ZMAT4: variants seen among roughly 807,000 people sequenced by gnomAD.
ZMAT4 encodes zinc finger matrin-type protein 4.
A neutral mutation model predicts 28.7 loss-of-function variants in ZMAT4; 17 were observed. That is an observed-to-expected ratio of 0.59 (90% CI 0.41 to 0.89). The LOEUF (loss-of-function observed/expected upper bound fraction) is 0.89. Among genes scored for constraint, ZMAT4 ranks in the 40% least tolerant of loss-of-function variants. The probability of loss-of-function intolerance (pLI) is 0.00; values close to 1 mark genes in which losing one functional copy is unlikely to be tolerated. For missense variants in ZMAT4, 240 were observed against 283.8 expected (o/e 0.85, Z 1.11); for synonymous variants, 117 against 109.2 (o/e 1.07, Z -0.44).
intron 1 of ZMAT4, among the ~76,000 whole-genome samples, chr8:40,893,580 T>C (rs1818768164): frequency 6.6e-6 from 1 of 152,224 alleles, no homozygotes; most frequent in Non-Finnish European, 1.5e-5. Flanking sequence ...TTTCCCACTC[T>C]GCTCCCCATC....
chr8:40,654,834 C>T (rs928819280), intron 5 of ZMAT4, among the ~76,000 whole-genome samples: 2 of 152,046 alleles, frequency 1.3e-5, no homozygotes, highest in African/African-American at 2.4e-5. Context: ...AAATCCACAG[C>T]TGACATCATA....
chr8:40,599,436 C>T (rs1805220439), intron 5 of ZMAT4, among the ~76,000 whole-genome samples: 1 of 152,002 alleles, frequency 6.6e-6, no homozygotes, highest in African/African-American at 2.4e-5. Flanking sequence ...AACGTTTTTC[C>T]ATACTGACTT....
At chr8:40,601,705 AAAAGAAAG>A (rs149230517) in intron 5 of ZMAT4, among the ~76,000 whole-genome samples, 43 of 33,046 alleles carry the variant, frequency 1.3e-3, no homozygotes, top group African/African-American at 3.1e-3. Context: ...AGAAAGAAAG[AAAAGAAAG>A]AAAGAAAGAA....
rs1401663073 is a variant in ZMAT4 at position 40,581,089 on chromosome 8, G to T, written c.674+76C>A. On this transcript the variant is annotated intron_variant, in intron 6 of 6. Transcript: ENST00000297737. ...CCACTCTACTTATTTAGAAATAGAT[G>T]AAATGTTGAGCCTTTAGTCATCTTA... 12 of 1,188,092 alleles carry T rather than the reference G, an allele frequency of 1.0e-5. No individual in the cohort carries two copies. The South Asian group carries it at 1.3e-4, about 13-fold the overall frequency. 73.6% of individuals were successfully genotyped at this position (1,188,092 alleles called of 1,614,324 possible).
chr8:40,641,976 C>T (rs185340376), intron 5 of ZMAT4, among the ~76,000 whole-genome samples: 6 of 152,022 alleles, frequency 3.9e-5, no homozygotes, highest in African/African-American at 1.2e-4. Context: ...CTCATTTCCT[C>T]TCTCTAAAAT....
chr8:40,806,336 A>T (rs1815084389), intron 2 of ZMAT4, among the ~76,000 whole-genome samples: 1 of 152,144 alleles, frequency 6.6e-6, no homozygotes, highest in Non-Finnish European at 1.5e-5. Context: ...TTTCTTTTTA[A>T]TTAAGGCCAT....
chr8:40,667,394 TC>T, intron 5 of ZMAT4, among the ~76,000 whole-genome samples: 1 of 152,292 alleles, frequency 6.6e-6, no homozygotes, highest in Middle Eastern at 3.4e-3. Context: ...GACCTCGTGA[TC>T]CACCCACCTT....
At chr8:40,565,663 CCA>C (rs1298813901) in intron 6 of ZMAT4, among the ~76,000 whole-genome samples, 4 of 151,984 alleles carry the variant, frequency 2.6e-5, no homozygotes, top group African/African-American at 9.7e-5. Context: ...CATGTGTGAA[CCA>C]CCACGCCTGG....
At chr8:40,572,761 A>G (rs924044536) in intron 6 of ZMAT4, among the ~76,000 whole-genome samples, 1 of 152,098 alleles carries the variant, frequency 6.6e-6, no homozygotes, top group African/African-American at 2.4e-5. Flanking sequence ...GATAGTTAAT[A>G]TTTCTCCTGT....
chr8:40,804,108 A>G (rs921219960), intron 2 of ZMAT4, among the ~76,000 whole-genome samples: 30 of 152,222 alleles, frequency 2.0e-4, no homozygotes, highest in African/African-American at 7.2e-4. Context: ...ACAGAACACA[A>G]TGGATTCTTA....
chr8:40,613,520 C>G (rs1805883274), intron 5 of ZMAT4, among the ~76,000 whole-genome samples: 1 of 147,572 alleles, frequency 6.8e-6, no homozygotes, highest in Admixed American at 6.6e-5. Flanking sequence ...TACACTTTGC[C>G]CTTTGTCCAA....
intron 2 of ZMAT4, among the ~76,000 whole-genome samples, chr8:40,799,564 A>G (rs558149133): frequency 2.0e-5 from 3 of 152,354 alleles, no homozygotes; most frequent in Non-Finnish European, 4.4e-5. Flanking sequence ...ATAAAGGCAG[A>G]TATTTTAAAA....
At chr8:40,587,106 T>A (rs1585719984) in intron 5 of ZMAT4, among the ~76,000 whole-genome samples, 7 of 138,056 alleles carry the variant, frequency 5.1e-5, no homozygotes, top group Admixed American at 1.5e-4. Flanking sequence ...GAACAAAAAG[T>A]GATAAAAGAA....
rs933713742 is a variant in ZMAT4 at position 40,839,933 on chromosome 8, A to T, written c.-4-14253T>A. On this transcript the variant is annotated intron_variant, in intron 1 of 6. Coordinates refer to ENST00000297737, the MANE Select transcript of ZMAT4 (RefSeq NM_024645.3). ...TGCATGTACCCCATACATTTGTATG[A>T]ATTTTAAAAGGCAATTCCTGTTATA... Among the ~76,000 whole-genome samples, 4 of 152,234 alleles carry T rather than the reference A, an allele frequency of 2.6e-5. No individual in the cohort carries two copies. In the East Asian group the frequency reaches 7.7e-4, roughly 29 times the overall value.
intron 1 of ZMAT4, among the ~76,000 whole-genome samples, chr8:40,846,392 G>T (rs553488125): frequency 9.7e-4 from 148 of 152,308 alleles, no homozygotes; most frequent in African/African-American, 3.5e-3. Flanking sequence ...CTCAGGGCTG[G>T]GACAGCAGAG....
Position 40,841,761 on chromosome 8 carries a change from G to C in ZMAT4, c.-4-16081C>G, listed in dbSNP as rs188155849. Among the ~76,000 whole-genome samples the C allele has an allele frequency of 4.9e-4, 75 of 152,338 alleles. 1 individual carries two copies. Among genetic ancestry groups the C allele is most frequent in the African/African-American group, 1.7e-3 (72 of 41,576 alleles). ...AAAATAACAAGATAAAATGCACTGGGAATGGAGTAATAAAAGTAAAATGCA... is the reference window on the plus strand; with the variant it reads ...AAAATAACAAGATAAAATGCACTGGCAATGGAGTAATAAAAGTAAAATGCA... On this transcript the variant is annotated intron_variant, in intron 1 of 6. Coordinates refer to ENST00000297737, the MANE Select transcript of ZMAT4 (RefSeq NM_024645.3).
In ZMAT4 at chr8:40,569,503, G is replaced by T. The variant is rs12679037; in HGVS notation, c.674+11662C>A. ...TAACTTACAGAAGACCCAGAATGAG[G>T]GTAAGTCCAGCAGCCTGGGCTGCTC... On this transcript the variant is annotated intron_variant, in intron 6 of 6. Coordinates refer to ENST00000297737, the MANE Select transcript of ZMAT4 (RefSeq NM_024645.3). Among the ~76,000 whole-genome samples, 3 of 152,052 alleles carry T rather than the reference G, an allele frequency of 2.0e-5. No homozygotes were observed. The East Asian group carries it at 5.8e-4, about 29-fold the overall frequency.
At chr8:40,877,996 G>A (rs1395279544) in intron 1 of ZMAT4, among the ~76,000 whole-genome samples, 2 of 152,210 alleles carry the variant, frequency 1.3e-5, no homozygotes, top group African/African-American at 2.4e-5. Flanking sequence ...CAAACCTGGA[G>A]CCTCCGAGGA....
chr8:40,893,062 C>G (rs897432138), intron 1 of ZMAT4, among the ~76,000 whole-genome samples: 11 of 152,226 alleles, frequency 7.2e-5, no homozygotes, highest in African/African-American at 2.7e-4. Flanking sequence ...CAATTTCTGT[C>G]TATTTTCTCT....
Sources: allele counts gnomAD v4.1 joint callset (sites outside exome capture counted in the v4.1 genomes callset), GRCh38; gene constraint gnomAD v4.1.1; transcripts MANE v1.5; gene names NCBI Gene and HGNC (gene_info 2026-07-23, HGNC 2026-07-21).